ISM1: variants seen among roughly 807,000 people sequenced by gnomAD.
ISM1 encodes the protein isthmin-1.
ISM1 carries 25 observed loss-of-function variants against 46.3 expected under a neutral mutation model. That is an observed-to-expected ratio of 0.54 (90% CI 0.39 to 0.75). ISM1 has a LOEUF of 0.75. ISM1 is among the 30% of genes least tolerant of loss of function. The pLI is 0.00. For missense variants in ISM1, 536 were observed against 625.4 expected, an observed-to-expected ratio of 0.86 and a Z score of 1.52; for synonymous variants, 255 against 256.7, an observed-to-expected ratio of 0.99 and a Z score of 0.06.
intron 1 of ISM1, among the ~76,000 whole-genome samples, chr20:13,256,354 C>G (rs1363994641): frequency 7.0e-6 from 1 of 142,442 alleles, no homozygotes; most frequent in Non-Finnish European, 1.5e-5. Context: ...CTAGATTGCA[C>G]TATCATACTC....
At chr20:13,221,972 G>A (rs1209749270) in intron 1 of ISM1, 58 bp downstream of exon 1, 1 of 1,287,160 alleles carries the variant, frequency 7.8e-7, no homozygotes, top group South Asian at 2.4e-5. Flanking sequence ...GTGGGGCGGG[G>A]GTGCTGAGCT....
At chr20:13,311,188 C>A in the ISM1 span, among the ~76,000 whole-genome samples, 1 of 134,896 alleles carries the variant, frequency 7.4e-6, no homozygotes, top group Non-Finnish European at 1.6e-5. Context: ...GAGTGAAACT[C>A]CATCTCAAAA....
chr20:13,316,275 T>C, the ISM1 span, among the ~76,000 whole-genome samples: 2 of 151,960 alleles, frequency 1.3e-5, no homozygotes, highest in Non-Finnish European at 2.9e-5. Flanking sequence ...GGTCTATATC[T>C]ATTAAGGAAA....
At chr20:13,236,398 C>T (rs2039650032) in intron 1 of ISM1, among the ~76,000 whole-genome samples, 1 of 152,190 alleles carries the variant, frequency 6.6e-6, no homozygotes, top group African/African-American at 2.4e-5. Context: ...GTCCTTCCCA[C>T]AACACATGGG....
At chr20:13,278,991 C>T (rs1387335968) in intron 2 of ISM1, among the ~76,000 whole-genome samples, 1 of 152,206 alleles carries the variant, frequency 6.6e-6, no homozygotes, top group Non-Finnish European at 1.5e-5. Context: ...TCTGTTAATA[C>T]CTGTCACCAT....
chr20:13,270,204 C>A (rs886759771), intron 1 of ISM1, among the ~76,000 whole-genome samples: 1 of 152,198 alleles, frequency 6.6e-6, no homozygotes, highest in African/African-American at 2.4e-5. Flanking sequence ...TCTAAATGAA[C>A]ACCTGTTCTT....
chr20:13,271,064 A>G (rs1018627775), intron 2 of ISM1, among the ~76,000 whole-genome samples: 7 of 152,242 alleles, frequency 4.6e-5, no homozygotes, highest in Non-Finnish European at 7.3e-5. Flanking sequence ...AAATAGTCTG[A>G]AATATAAAAA....
intron 2 of ISM1, among the ~76,000 whole-genome samples, chr20:13,278,937 C>T (rs6033655): frequency 0.14 from 20,842 of 152,140 alleles, 2,614 homozygotes; most frequent in African/African-American, 0.33. Context: ...CCTTACATAG[C>T]GGTTAGAACA....
At chr20:13,288,870 C>T (rs2040322686) in intron 4 of ISM1, among the ~76,000 whole-genome samples, 187 bp downstream of exon 4, 1 of 152,074 alleles carries the variant, frequency 6.6e-6, no homozygotes, top group Admixed American at 6.5e-5. Context: ...CTGCAATCTC[C>T]ACCTCCTGGG....
chr20:13,225,034 T>C (rs1015058356), intron 1 of ISM1, among the ~76,000 whole-genome samples: 10 of 151,112 alleles, frequency 6.6e-5, no homozygotes, highest in African/African-American at 1.7e-4. Context: ...TTTGTATTTT[T>C]AGTAGAGACG....
intron 1 of ISM1, among the ~76,000 whole-genome samples, chr20:13,253,332 T>G (rs2123199575): frequency 6.8e-6 from 1 of 146,026 alleles, no homozygotes; most frequent in South Asian, 2.2e-4. Context: ...ATAGGGGCAT[T>G]CCTGAGGAGT....
At chr20:13,236,200 G>A (rs1032520960) in intron 1 of ISM1, among the ~76,000 whole-genome samples, 3 of 152,210 alleles carry the variant, frequency 2.0e-5, no homozygotes, top group Non-Finnish European at 2.9e-5. Context: ...TGGGATTACA[G>A]TCGTGAGCCA....
chr20:13,248,969 A>G (rs570468941), intron 1 of ISM1, among the ~76,000 whole-genome samples: 1 of 152,338 alleles, frequency 6.6e-6, no homozygotes, highest in Non-Finnish European at 1.5e-5. Flanking sequence ...AGCGGCTTGT[A>G]CAGGAGAAAA....
intron 1 of ISM1, among the ~76,000 whole-genome samples, chr20:13,263,003 C>T (rs73901622): frequency 0.012 from 1,826 of 152,292 alleles, 36 homozygotes; most frequent in African/African-American, 0.041. Context: ...CTGAGACCCT[C>T]CTGAATTCTT....
intron 1 of ISM1, among the ~76,000 whole-genome samples, chr20:13,230,251 A>G (rs2123134053): frequency 6.6e-6 from 1 of 152,284 alleles, no homozygotes; most frequent in South Asian, 2.1e-4. Flanking sequence ...TGATATGCCC[A>G]TTAAATCTTT....
chr20:13,305,901 A>G, the ISM1 span, among the ~76,000 whole-genome samples: 1 of 152,354 alleles, frequency 6.6e-6, no homozygotes, highest in East Asian at 1.9e-4. Context: ...CCTTGCCTGT[A>G]ATGGCAAAAA....
chr20:13,289,997 C>T (rs920285370), intron 4 of ISM1, among the ~76,000 whole-genome samples: 4 of 152,114 alleles, frequency 2.6e-5, no homozygotes, highest in African/African-American at 9.7e-5. Context: ...GAAATGAAAG[C>T]ACAAAGGCGT....
intron 3 of ISM1, among the ~76,000 whole-genome samples, chr20:13,281,681 G>A (rs568612215): frequency 7.0e-4 from 106 of 152,314 alleles, no homozygotes; most frequent in African/African-American, 2.5e-3. Flanking sequence ...ACAGTAGAAG[G>A]ATCTAGAAAT....
intron 2 of ISM1, among the ~76,000 whole-genome samples, chr20:13,276,463 C>T (rs961212991): frequency 3.3e-5 from 5 of 152,144 alleles, no homozygotes; most frequent in Non-Finnish European, 5.9e-5. Context: ...ACAGAATTAT[C>T]GAAATGGGCA....
Sources: gnomAD v4.1 joint callset for allele counts (sites outside exome capture counted in the v4.1 genomes callset) on GRCh38, gnomAD v4.1.1 for gene constraint, MANE v1.5 for transcripts, NCBI Gene and HGNC (gene_info 2026-07-23, HGNC 2026-07-21) for gene names.